APPL1: variants seen among roughly 807,000 people sequenced by gnomAD.
APPL1 encodes the protein adaptor protein, phosphotyrosine interacting with PH domain and leucine zipper 1.
In APPL1, 42 loss-of-function variants were observed where a neutral mutation model predicts 106.8. That is an observed-to-expected ratio of 0.39 (90% CI 0.31 to 0.51). The LOEUF (loss-of-function observed/expected upper bound fraction) is 0.51, where lower values mean the gene tolerates loss of function less well. Among genes scored for constraint, APPL1 ranks in the 20% least tolerant of loss-of-function variants. The pLI is 0.75. For synonymous variants in APPL1, 263 were observed against 281.8 expected (o/e 0.93, Z 0.67); for missense variants, 769 against 858.2 (o/e 0.90, Z 1.30).
chr3:57,246,894 T>G (rs1306679067), intron 8 of APPL1, among the ~76,000 whole-genome samples: 1 of 151,578 alleles, frequency 6.6e-6, no homozygotes, highest in Non-Finnish European at 1.5e-5. Context: ...TCCCAGCAAC[T>G]TGGGAGGCTG....
At chr3:57,262,700 T>G (rs1559513988) in intron 19 of APPL1, among the ~76,000 whole-genome samples, 1 of 151,636 alleles carries the variant, frequency 6.6e-6, no homozygotes, top group East Asian at 1.9e-4. Context: ...AAAGAACCTT[T>G]AATAGAACAA....
intron 15 of APPL1, 44 bp from the exon 16 acceptor site, chr3:57,258,984 A>G (rs116544790): frequency 1.4e-6 from 2 of 1,450,826 alleles, no homozygotes; most frequent in African/African-American, 1.4e-5. Flanking sequence ...TATGTGGCTC[A>G]TGGTAACTGA....
rs1380626524 is a variant in APPL1 at position 57,248,381 on chromosome 3, T to C, written c.863+30T>C. On this transcript the variant is annotated intron_variant, in intron 10 of 21. Transcript: ENST00000288266. ...GAAAACTATTGTTATTTTTGTATATTGTGTATCATGTAAGACAATACCAAA... is the reference window on the plus strand; with the variant it reads ...GAAAACTATTGTTATTTTTGTATATCGTGTATCATGTAAGACAATACCAAA... 2.5e-6 allele frequency: 4 copies of C among 1,602,204 alleles called. No individual in the cohort carries two copies. In the African/African-American group the frequency reaches 4.0e-5, roughly 16 times the overall value.
rs1213897253 is a variant in APPL1, at chr3:57,249,538, G to A, written c.1042G>A (p.Asp348Asn). ...ATATTGTTTTCAGATCACCTCTTTCGATGGAAAAAAGTTAGTATTTTTTTT... is the reference window on the plus strand; with the variant it reads ...ATATTGTTTTCAGATCACCTCTTTCAATGGAAAAAAGTTAGTATTTTTTTT... ...RRYCFQITSF[D>N]GKKSSILQAE... The change falls in exon 11 of 22, where the codon GAT (aspartate) becomes AAT (asparagine). Residue 348 changes from aspartate to asparagine, a missense_variant. Coordinates refer to ENST00000288266, the MANE Select transcript of APPL1 (RefSeq NM_012096.3). The A allele has an allele frequency of 3.8e-6, 6 of 1,566,908 alleles. No individual in the cohort carries two copies. The highest frequency in any genetic ancestry group is 1.4e-5 in the African/African-American group (1 of 72,694).
chr3:57,235,564 A>G lies in APPL1; in HGVS notation c.55-2A>G. On this transcript the variant is annotated splice_acceptor_variant, in intron 1 of 21. Transcript: ENST00000288266. LOFTEE classifies it high-confidence loss of function. ...TAAACTTATTGCTATTGTTTTATAC[A>G]GACAAGGTCTTTACTAGGTGTATTT... The G allele has an allele frequency of 6.3e-7, 1 of 1,589,198 alleles. No homozygotes were observed. The highest frequency in any genetic ancestry group is 8.6e-7 in the Non-Finnish European group (1 of 1,159,654).
chr3:57,261,958 A>C (rs2060868732), intron 19 of APPL1, among the ~76,000 whole-genome samples: 1 of 152,270 alleles, frequency 6.6e-6, no homozygotes, highest in South Asian at 2.1e-4. Context: ...AGTGATAGCC[A>C]TTCTGACTAG....
At chr3:57,233,189 C>G (rs2060697460) in intron 1 of APPL1, among the ~76,000 whole-genome samples, 1 of 152,026 alleles carries the variant, frequency 6.6e-6, no homozygotes. Flanking sequence ...CATAAGAAAA[C>G]CTTAAATCAT....
chr3:57,248,474 T>G (rs781744166), intron 10 of APPL1, 123 bp downstream of exon 10: 10 of 1,118,744 alleles, frequency 8.9e-6, no homozygotes, highest in Non-Finnish European at 1.2e-5. Context: ...TTTTTAGAGG[T>G]GTTAGTATTT....
At chr3:57,249,712 G>T (rs373107377) in intron 11 of APPL1, among the ~76,000 whole-genome samples, 164 bp downstream of exon 11, 1 of 151,994 alleles carries the variant, frequency 6.6e-6, no homozygotes, top group African/African-American at 2.4e-5. Context: ...TTTGTCTCTG[G>T]CTTGGTTAAA....
chr3:57,256,475 A>G (rs1030664384), intron 13 of APPL1, among the ~76,000 whole-genome samples: 69 of 152,306 alleles, frequency 4.5e-4, no homozygotes, highest in Middle Eastern at 3.4e-3. Context: ...TATATTCTGG[A>G]AAATTGTGAA....
intron 15 of APPL1, among the ~76,000 whole-genome samples, chr3:57,258,178 G>A (rs898210855): frequency 1.3e-5 from 2 of 152,038 alleles, no homozygotes; most frequent in Non-Finnish European, 2.9e-5. Context: ...TTTGTTTTGA[G>A]ATGGGGTCTC....
At position 57,259,879 on chromosome 3, in the gene APPL1, C is replaced by A; in HGVS notation, c.1518C>A (p.Phe506Leu). Residue 506 changes from phenylalanine to leucine, a missense_variant, in exon 17 of 22, where the codon TTC (phenylalanine) becomes TTA (leucine). Physicochemically the swap from Phe to Leu is conservative, Grantham distance 22 (BLOSUM62 0). Transcript: ENST00000288266. ...SILHQLFIVRFLGSMEVKSDD... is the reference protein window; with the variant it reads ...SILHQLFIVRLLGSMEVKSDD... Reference sequence around the variant, plus strand: ...TTCATCAGTTATTTATTGTCCGATTCCTTGGTTCAATGGAGGTGAAATCAG... The same window carrying A: ...TTCATCAGTTATTTATTGTCCGATTACTTGGTTCAATGGAGGTGAAATCAG... 6.2e-7 allele frequency: 1 copy of A among 1,609,132 alleles called. No individual in the cohort carries two copies. The highest frequency in any genetic ancestry group is 1.1e-5 in the South Asian group (1 of 89,800).
intron 7 of APPL1, among the ~76,000 whole-genome samples, chr3:57,245,196 A>G (rs1252239699): frequency 1.3e-5 from 2 of 152,204 alleles, no homozygotes; most frequent in Non-Finnish European, 2.9e-5. Context: ...ATATTAGAAT[A>G]TTCTTCGTAC....
At chr3:57,267,572 A>G (rs1282623565) in intron 19 of APPL1, among the ~76,000 whole-genome samples, 170 bp from the exon 20 acceptor site, 2 of 152,232 alleles carry the variant, frequency 1.3e-5, no homozygotes, top group Non-Finnish European at 2.9e-5. Flanking sequence ...GACTTCAAGG[A>G]AAACATACAA....
At position 57,249,766 on chromosome 3, in the gene APPL1, T is replaced by TA. The variant is rs139138699; in HGVS notation, c.1052+221dup. ...AAGTTGTCAAAGCAATGTCATATAG[T>TA]AAAGACCTGTGATTTCATGTTAGGG... On this transcript the variant is annotated intron_variant, in intron 11 of 21. Coordinates refer to ENST00000288266, the MANE Select transcript of APPL1 (RefSeq NM_012096.3). Among the ~76,000 whole-genome samples the TA allele has an allele frequency of 0.018, 2,669 of 152,278 alleles. 89 individuals carry two copies. Among genetic ancestry groups the TA allele is most frequent in the African/African-American group, 0.059 (2,468 of 41,538 alleles).
intron 1 of APPL1, among the ~76,000 whole-genome samples, chr3:57,232,944 G>A (rs1559506246): frequency 6.6e-6 from 1 of 152,108 alleles, no homozygotes; most frequent in African/African-American, 2.4e-5. Context: ...GGAGCGTGCA[G>A]TGAGCCAGGA....
chr3:57,247,084 A>G (rs2060777982), intron 8 of APPL1, among the ~76,000 whole-genome samples: 1 of 152,168 alleles, frequency 6.6e-6, no homozygotes, highest in South Asian at 2.1e-4. Context: ...TAAACATGAA[A>G]TACTTTATAT....
intron 19 of APPL1, among the ~76,000 whole-genome samples, chr3:57,262,866 T>C (rs1181283648): frequency 6.7e-6 from 1 of 149,686 alleles, no homozygotes; most frequent in Non-Finnish European, 1.5e-5. Flanking sequence ...TTTTTTTTTT[T>C]TCCAGATGGA....
At position 57,272,289 on chromosome 3, in the gene APPL1, G is replaced by C. The variant is rs1473488643; in HGVS notation, c.*2602G>C. 6.6e-6 allele frequency: 1 copy of C among 152,120 alleles called. No homozygotes were observed. Among genetic ancestry groups the C allele is most frequent in the East Asian group, 1.9e-4 (1 of 5,178 alleles). The allele number at this position is 152,120 out of a possible 1,614,324, so 9.4% of individuals were successfully genotyped here. A position where few individuals can be genotyped will look rare whatever the true frequency, so the allele number is the denominator to read the frequency against. Reference sequence around the variant, plus strand: ...AAATTTTGAGAACTTGCCAACCAGGGATTAAAGCTATTATCTTGAACAGAG... The same window carrying C: ...AAATTTTGAGAACTTGCCAACCAGGCATTAAAGCTATTATCTTGAACAGAG... On this transcript the variant is annotated 3_prime_UTR_variant, in exon 22 of 22. Coordinates refer to ENST00000288266, the MANE Select transcript of APPL1 (RefSeq NM_012096.3).
Sources: gnomAD v4.1 joint callset for allele counts (sites outside exome capture counted in the v4.1 genomes callset) on GRCh38, gnomAD v4.1.1 for gene constraint, MANE v1.5 for transcripts, NCBI Gene and HGNC (gene_info 2026-07-23, HGNC 2026-07-21) for gene names.